Variants in HS6ST1 observed in about 807,000 individuals in gnomAD.
HS6ST1 encodes heparan-sulfate 6-O-sulfotransferase 1.
HS6ST1 carries 3 observed loss-of-function variants against 25.2 expected under a neutral mutation model. The ratio of observed to expected loss-of-function variants is 0.12; its 90% confidence interval spans 0.05 to 0.31. The LOEUF (loss-of-function observed/expected upper bound fraction) is 0.31. Among genes scored for constraint, HS6ST1 ranks in the 10% least tolerant of loss-of-function variants. The pLI is 1.00. For synonymous variants in HS6ST1, 204 were observed against 275.1 expected, an observed-to-expected ratio of 0.74 and a Z score of 2.56; for missense variants, 310 against 609.6, an observed-to-expected ratio of 0.51 and a Z score of 5.18.
chr2:128,310,824 G>A (rs143846369), intron 1 of HS6ST1, among the ~76,000 whole-genome samples: 1 of 152,284 alleles, frequency 6.6e-6, no homozygotes, highest in East Asian at 1.9e-4. Flanking sequence ...GGCACTTTCA[G>A]GAAAGGAACA....
intron 1 of HS6ST1, among the ~76,000 whole-genome samples, chr2:128,315,737 T>C (rs888055986): frequency 6.6e-6 from 1 of 152,116 alleles, no homozygotes; most frequent in Non-Finnish European, 1.5e-5. Context: ...AAGACTCAGG[T>C]GGCGGGGCAG....
At chr2:128,285,119 C>T (rs1354776883) in intron 1 of HS6ST1, among the ~76,000 whole-genome samples, 1 of 152,164 alleles carries the variant, frequency 6.6e-6, no homozygotes, top group Non-Finnish European at 1.5e-5. Context: ...TCTAGGTCGC[C>T]GACCACCAGC....
At chr2:128,272,674 A>T (rs4662783) in intron 1 of HS6ST1, among the ~76,000 whole-genome samples, 1 of 152,202 alleles carries the variant, frequency 6.6e-6, no homozygotes, top group African/African-American at 2.4e-5. Context: ...GGGAGGAGAG[A>T]AGAGGGCTCG....
At chr2:128,274,213 T>G (rs1248119024) in intron 1 of HS6ST1, among the ~76,000 whole-genome samples, 1 of 151,830 alleles carries the variant, frequency 6.6e-6, no homozygotes, top group African/African-American at 2.4e-5. Context: ...AGAATTGGAG[T>G]ACATCATTCA....
At chr2:128,276,213 C>T (rs751945316) in intron 1 of HS6ST1, among the ~76,000 whole-genome samples, 9 of 152,134 alleles carry the variant, frequency 5.9e-5, no homozygotes, top group Non-Finnish European at 8.8e-5. Context: ...CTGCAACCTC[C>T]GCCTCCTGGG....
At chr2:128,314,164 A>G (rs1694329486) in intron 1 of HS6ST1, among the ~76,000 whole-genome samples, 1 of 152,054 alleles carries the variant, frequency 6.6e-6, no homozygotes, top group Non-Finnish European at 1.5e-5. Flanking sequence ...ATCTCAAAGA[A>G]GAAAGCGATT....
At chr2:128,311,124 C>T (rs923391934) in intron 1 of HS6ST1, among the ~76,000 whole-genome samples, 3 of 152,196 alleles carry the variant, frequency 2.0e-5, no homozygotes, top group Non-Finnish European at 4.4e-5. Flanking sequence ...ACCTCATCCC[C>T]TAGGTCTAGG....
intron 1 of HS6ST1, among the ~76,000 whole-genome samples, chr2:128,314,442 C>T (rs1384049092): frequency 6.6e-6 from 1 of 152,200 alleles, no homozygotes; most frequent in African/African-American, 2.4e-5. Context: ...GTCGAGGCGC[C>T]TAAGGCAACA....
Position 128,292,436 on chromosome 2 carries a change from G to A in HS6ST1, c.528-23566C>T, listed in dbSNP as rs371443692. Among the ~76,000 whole-genome samples the A allele has an allele frequency of 2.2e-4, 33 of 152,330 alleles. 1 individual carries two copies. In the East Asian group the frequency reaches 5.4e-3, roughly 25 times the overall value. On this transcript the variant is annotated intron_variant, in intron 1 of 1. Coordinates refer to ENST00000259241, the MANE Select transcript of HS6ST1 (RefSeq NM_004807.3). ...CACCAGTCTGGACACAGAACAACCCGGGGCGAGACACGTACTGGAGAAGAC... is the reference window on the plus strand; with the variant it reads ...CACCAGTCTGGACACAGAACAACCCAGGGCGAGACACGTACTGGAGAAGAC...
At chr2:128,284,070 AC>A (rs562041697) in intron 1 of HS6ST1, among the ~76,000 whole-genome samples, 134 of 150,768 alleles carry the variant, frequency 8.9e-4, no homozygotes, top group Non-Finnish European at 1.8e-3. Flanking sequence ...CCCCACCCTC[AC>A]CCCACTTCCA....
chr2:128,278,145 G>C lies in HS6ST1; in HGVS notation c.528-9275C>G, dbSNP rs528241692. ...GAGTGCCTTCCAGGCAGGAGGGCGG[G>C]GCAGGCAGGCACGAGCTGAGGCCAG... is the stretch of plus-strand genomic sequence containing the variant. On this transcript the variant is annotated intron_variant, in intron 1 of 1. Transcript: ENST00000259241. Among the ~76,000 whole-genome samples the C allele has an allele frequency of 5.3e-5, 8 of 152,380 alleles. No homozygotes were observed. In the East Asian group the frequency reaches 1.5e-3, roughly 29 times the overall value.
intron 1 of HS6ST1, among the ~76,000 whole-genome samples, chr2:128,272,814 T>C (rs1372786010): frequency 2.0e-5 from 3 of 152,146 alleles, no homozygotes; most frequent in African/African-American, 7.2e-5. Flanking sequence ...AGACACTCAT[T>C]TGAAAGCCAT....
Position 128,266,357 on chromosome 2 carries a change from A to T in HS6ST1, c.*1805T>A, listed in dbSNP as rs1477198260. 2.0e-5 allele frequency: 3 copies of T among 152,186 alleles called. No individual in the cohort carries two copies. Among genetic ancestry groups the T allele is most frequent in the African/African-American group, 7.2e-5 (3 of 41,392 alleles). The allele number at this position is 152,186 out of a possible 1,614,324, so 9.4% of individuals were successfully genotyped here. On this transcript the variant is annotated 3_prime_UTR_variant, in exon 2 of 2. Coordinates refer to ENST00000259241, the MANE Select transcript of HS6ST1 (RefSeq NM_004807.3). Reference sequence around the variant, plus strand: ...AACCACACCACTAAATCCCCTTGGCACTCACTTCCTTAGTGTGATGCATCC... The same window carrying T: ...AACCACACCACTAAATCCCCTTGGCTCTCACTTCCTTAGTGTGATGCATCC...
chr2:128,310,319 G>GGCCCCA lies in HS6ST1; in HGVS notation c.527+7712_527+7717dup, dbSNP rs575555991. On this transcript the variant is annotated intron_variant, in intron 1 of 1. Transcript: ENST00000259241. ...ACAGGCATCCCCCCGCAGTGAGCTG[G>GGCCCCA]GCCCCAGCCCCAGCCCCAGACCACA... 3.3e-4 allele frequency among the ~76,000 whole-genome samples: 50 copies of GGCCCCA among 152,336 alleles called. No homozygotes were observed. The East Asian group carries it at 6.9e-3, about 21-fold the overall frequency.
chr2:128,316,875 G>A (rs987847474), intron 1 of HS6ST1, among the ~76,000 whole-genome samples: 1 of 152,148 alleles, frequency 6.6e-6, no homozygotes, highest in African/African-American at 2.4e-5. Context: ...AGGCTGGCTG[G>A]ACCTTCCAGG....
At chr2:128,294,575 C>A (rs534390674) in intron 1 of HS6ST1, among the ~76,000 whole-genome samples, 1 of 152,088 alleles carries the variant, frequency 6.6e-6, no homozygotes, top group African/African-American at 2.4e-5. Flanking sequence ...CTGGGAGCTG[C>A]GGCCCCTCTG....
Position 128,268,213 on chromosome 2 carries a change from C to A in HS6ST1, c.1185G>T (p.Pro395=), listed in dbSNP as rs201256759. The A allele has an allele frequency of 1.2e-6, 2 of 1,609,762 alleles. No homozygotes were observed. Among genetic ancestry groups the A allele is most frequent in the Admixed American group, 1.7e-5 (1 of 59,912 alleles). The change falls in exon 2 of 2, where the codon CCG becomes CCT. Residue 395 remains proline (P), a synonymous_variant. Coordinates refer to ENST00000259241, the MANE Select transcript of HS6ST1 (RefSeq NM_004807.3). ...TGTAGTCCTCGGTGGGCACGCGGCC[C>A]GGCTCGTCGGCATCCTCCCGCGGCA... The part of the protein sequence containing the change: ...EALPREDADE[P]GRVPTEDYMS...
At chr2:128,273,295 C>G (rs939395769) in intron 1 of HS6ST1, among the ~76,000 whole-genome samples, 1 of 152,238 alleles carries the variant, frequency 6.6e-6, no homozygotes, top group African/African-American at 2.4e-5. Context: ...CATTGCCATG[C>G]CCTGGGTCCC....
At chr2:128,272,911 G>A (rs1035042585) in intron 1 of HS6ST1, among the ~76,000 whole-genome samples, 3 of 152,122 alleles carry the variant, frequency 2.0e-5, no homozygotes, top group Non-Finnish European at 4.4e-5. Flanking sequence ...AAGGCCTTCT[G>A]TGCACAGGAG....
Sources: gnomAD v4.1 joint callset for allele counts (sites outside exome capture counted in the v4.1 genomes callset) on GRCh38, gnomAD v4.1.1 for gene constraint, MANE v1.5 for transcripts, NCBI Gene and HGNC (gene_info 2026-07-23, HGNC 2026-07-21) for gene names.